Variants in FGD5 observed in about 807,000 individuals in gnomAD.
FGD5 encodes FYVE, RhoGEF and PH domain-containing protein 5.
In FGD5, 28 loss-of-function variants were observed where a neutral mutation model predicts 133.4. The ratio of observed to expected loss-of-function variants is 0.21; its 90% CI spans 0.16 to 0.29. The LOEUF (loss-of-function observed/expected upper bound fraction) is 0.29, where lower values mean the gene tolerates loss of function less well. FGD5 is among the 10% of genes least tolerant of loss of function. FGD5 has a pLI of 1.00. For missense variants in FGD5, 1,858 were observed against 1,895.2 expected (o/e 0.98, Z 0.36); for synonymous variants, 810 against 776.5 (o/e 1.04, Z -0.72).
chr3:14,886,592 G>A (rs977207448), intron 4 of FGD5, among the ~76,000 whole-genome samples: 4 of 152,206 alleles, frequency 2.6e-5, no homozygotes, highest in African/African-American at 9.6e-5. Flanking sequence ...TGGACACGGG[G>A]AGGGTGACAC....
At position 14,932,606 on chromosome 3, in the gene FGD5, G is replaced by A. The variant is rs780323152; in HGVS notation, c.4227G>A (p.Leu1409=). The change falls in exon 19 of 20, where the codon CTG becomes CTA. Residue 1409 remains leucine (L), a synonymous_variant. Transcript: ENST00000285046. ...AAGTGGCCTTGGAGAGTATGCCTCT[G>A]CTAGGCTTCACCATTGCTCCAGAAA... ...EDKVALESMP[L]LGFTIAPEKE... The A allele has an allele frequency of 2.5e-6, 4 of 1,613,928 alleles. No individual in the cohort carries two copies. Among genetic ancestry groups the A allele is most frequent in the Non-Finnish European group, 3.4e-6 (4 of 1,179,816 alleles).
intron 1 of FGD5, among the ~76,000 whole-genome samples, chr3:14,862,490 C>T (rs559345315): frequency 1.3e-5 from 2 of 152,192 alleles, no homozygotes; most frequent in South Asian, 2.1e-4. Flanking sequence ...CTTGGCAGCA[C>T]GGTGACTTGC....
intron 4 of FGD5, among the ~76,000 whole-genome samples, chr3:14,892,437 G>A (rs987730797): frequency 2.0e-5 from 3 of 152,124 alleles, no homozygotes; most frequent in Admixed American, 2.0e-4. Flanking sequence ...AGTCTCAAGC[G>A]ATCCTCCCGT....
chr3:14,899,979 T>G (rs1430539876), intron 7 of FGD5, among the ~76,000 whole-genome samples: 2 of 152,042 alleles, frequency 1.3e-5, no homozygotes, highest in African/African-American at 4.8e-5. Context: ...ATGGCCAGAA[T>G]AGAACGAGCA....
At chr3:14,897,862 T>C in intron 5 of FGD5, 77 bp from the exon 6 acceptor site, 1 of 1,575,492 alleles carries the variant, frequency 6.3e-7, no homozygotes, top group Non-Finnish European at 8.6e-7. Context: ...GGGATGTGAC[T>C]CCAGGCCCCC....
chr3:14,863,579 T>A (rs2037439949), intron 1 of FGD5, among the ~76,000 whole-genome samples: 1 of 152,186 alleles, frequency 6.6e-6, no homozygotes, highest in Admixed American at 6.5e-5. Context: ...GCTGTGATGC[T>A]CACAGCACCT....
chr3:14,829,178 A>G (rs1264542597), intron 1 of FGD5, among the ~76,000 whole-genome samples: 6 of 152,116 alleles, frequency 3.9e-5, no homozygotes, highest in Non-Finnish European at 8.8e-5. Context: ...TGGAGAGTCG[A>G]AAGGATCTTG....
At chr3:14,817,766 G>A (rs1035494131), upstream of FGD5, among the ~76,000 whole-genome samples, 1 of 152,218 alleles carries the variant, frequency 6.6e-6, no homozygotes, top group African/African-American at 2.4e-5. Context: ...ATGGAGCTGG[G>A]AGATTAGACC....
intron 4 of FGD5, among the ~76,000 whole-genome samples, chr3:14,895,215 C>G (rs1225656192): frequency 6.6e-6 from 1 of 152,114 alleles, no homozygotes; most frequent in Admixed American, 6.5e-5. Flanking sequence ...CTGATGTAGT[C>G]CCATTTGTCT....
rs2038169343 is a variant in FGD5 at position 14,898,010 on chromosome 3, T to A, written c.2981T>A (p.Ile994Asn). The A allele has an allele frequency of 1.2e-6, 2 of 1,613,970 alleles. No homozygotes were observed. The highest frequency in any genetic ancestry group is 2.2e-5 in the South Asian group (2 of 91,082). Reference protein sequence around the residue: ...EQGFDHHATHILQFDRYLGLL... With the variant: ...EQGFDHHATHNLQFDRYLGLL... ...GGGTTTGATCACCACGCCACTCACA[T>A]CCTGCAGTTCGACAGGTACCTAGGT... is the stretch of plus-strand genomic sequence containing the variant. The change falls in exon 6 of 20, where the codon ATC (isoleucine) becomes AAC (asparagine). Residue 994 changes from isoleucine to asparagine, a missense_variant. Ile to Asn is a moderately radical substitution (Grantham distance 149). This residue lies in a region of FGD5 where 1,824 missense variants were observed against 1,848.9 expected (regional missense o/e 0.99). Transcript: ENST00000285046.
rs2038230047 is a variant in FGD5, at chr3:14,901,054, A to G, written c.3257A>G (p.Glu1086Gly). 1.9e-6 allele frequency: 3 copies of G among 1,613,982 alleles called. No individual in the cohort carries two copies. Among genetic ancestry groups the G allele is most frequent in the Admixed American group, 1.7e-5 (1 of 60,026 alleles). ...KVTDRANDSMEQGENLQKLVH... is the reference protein window; with the variant it reads ...KVTDRANDSMGQGENLQKLVH... ...ACAGACCGTGCCAACGACAGCATGG[A>G]GCAAGGGGTGAGTGCGGCCTGGCGG... The change falls in exon 9 of 20, where the codon GAG becomes GGG. Residue 1086 changes from glutamate to glycine, a missense_variant. By Grantham distance (98) the Glu-to-Gly change is moderately conservative. Around this residue, in one of 3 missense-constraint regions of FGD5, gnomAD observed 1,824 missense variants for 1,848.9 expected, o/e 0.99. Transcript: ENST00000285046.
chr3:14,931,194 G>A (rs1165408844), intron 18 of FGD5: 1 of 150,590 alleles, frequency 6.6e-6, no homozygotes, highest in Non-Finnish European at 1.5e-5. Context: ...GATGCCCTTT[G>A]TTAGTTAATG....
Position 14,820,877 on chromosome 3 carries a change from G to A in FGD5, c.1806G>A (p.Pro602=), listed in dbSNP as rs369547491. 6.5e-5 allele frequency: 105 copies of A among 1,613,552 alleles called. No individual in the cohort carries two copies. In the African/African-American group the frequency reaches 1.0e-3, roughly 16 times the overall value. Residue 602 remains proline, a synonymous_variant, in exon 1 of 20, where the codon CCG becomes CCA. Transcript: ENST00000285046. The part of the protein sequence containing the change: ...SGSFSQRNHL[P]SSGTSTPSSM... Reference sequence around the variant, plus strand: ...GTTTCTCCCAGAGAAACCACCTTCCGTCCAGCGGCACCTCCACGCCTTCTT... The same window carrying A: ...GTTTCTCCCAGAGAAACCACCTTCCATCCAGCGGCACCTCCACGCCTTCTT...
intron 7 of FGD5, 87 bp downstream of exon 7, chr3:14,898,913 G>A (rs996973818): frequency 5.8e-6 from 7 of 1,200,128 alleles, no homozygotes; most frequent in Non-Finnish European, 7.1e-6. Context: ...TGGTGACCTT[G>A]CCTCTGACCA....
chr3:14,922,319 G>A lies in FGD5; in HGVS notation c.3670-92G>A, dbSNP rs6797565. ...CACTCACCCACACATCACACACCCT[G>A]CACAGAGACGCAGGGCAGGGCTCAC... is the stretch of plus-strand genomic sequence containing the variant. On this transcript the variant is annotated intron_variant, in intron 14 of 19. Coordinates refer to ENST00000285046, the MANE Select transcript of FGD5 (RefSeq NM_152536.4). This position sits in a 1 kb window ranked among gnomAD's most constrained non-coding sequence, Gnocchi z 4.1. 10,730 of 1,513,782 alleles carry A rather than the reference G, an allele frequency of 7.1e-3. 57 individuals carry two copies. The highest frequency in any genetic ancestry group is 0.019 in the Middle Eastern group (110 of 5,744). 93.8% of individuals were successfully genotyped at this position (1,513,782 alleles called of 1,614,324 possible). A position where few individuals can be genotyped will look rare whatever the true frequency, so the allele number is the denominator to read the frequency against.
chr3:14,872,783 G>A (rs935026691), intron 2 of FGD5, among the ~76,000 whole-genome samples: 1 of 152,202 alleles, frequency 6.6e-6, no homozygotes, highest in Non-Finnish European at 1.5e-5. Flanking sequence ...TCTCTTATTA[G>A]GAGAAAGTCA....
At position 14,934,501 on chromosome 3, in the gene FGD5, G is replaced by A. The variant is rs182914160; in HGVS notation, c.*1334G>A. On this transcript the variant is annotated 3_prime_UTR_variant, in exon 20 of 20. Transcript: ENST00000285046. ...TTACTTGCATTAAATATTTTCAGGG[G>A]AATTTTTTTTTCCAGTTTGCAGTTC... 14 of 152,256 alleles carry A rather than the reference G, an allele frequency of 9.2e-5. No individual in the cohort carries two copies. The highest frequency in any genetic ancestry group is 3.4e-4 in the African/African-American group (14 of 41,546). The allele number at this position is 152,256 out of a possible 1,614,324, so 9.4% of individuals were successfully genotyped here.
At chr3:14,811,795 G>A (rs2036298432) in intron 1 of FGD5, among the ~76,000 whole-genome samples, 1 of 152,190 alleles carries the variant, frequency 6.6e-6, no homozygotes, top group South Asian at 2.1e-4. Context: ...GTTCCCTTAA[G>A]ATGAGAGTTT....
chr3:14,877,358 G>A (rs2037739993), intron 2 of FGD5, among the ~76,000 whole-genome samples: 1 of 152,226 alleles, frequency 6.6e-6, no homozygotes, highest in African/African-American at 2.4e-5. Context: ...CTGGCAGGAG[G>A]GGCTGGGTGG....
Sources: allele counts gnomAD v4.1 joint callset (sites outside exome capture counted in the v4.1 genomes callset), GRCh38; gene constraint gnomAD v4.1.1; regional missense constraint gnomAD v4.1.1; non-coding constraint Gnocchi (gnomAD v3.1); transcripts MANE v1.5; gene names NCBI Gene and HGNC (gene_info 2026-07-23, HGNC 2026-07-21).